The following CDK6 variants were observed in gnomAD, a reference collection of about 807,000 sequenced individuals.
The protein encoded by CDK6 is cyclin dependent kinase 6.
Under a neutral mutation model 37.1 loss-of-function variants are expected in CDK6, and 6 were observed. The ratio of observed to expected loss-of-function variants is 0.16; its 90% CI spans 0.09 to 0.32. CDK6 has a LOEUF of 0.32. Ranked by LOEUF, CDK6 falls within the 10% of genes least tolerant of loss-of-function variation. CDK6 has a pLI of 1.00. For synonymous variants in CDK6, 160 were observed against 161.3 expected (o/e 0.99, Z 0.06); for missense variants, 224 against 418.9 (o/e 0.53, Z 4.06).
At chr7:92,680,435 G>GAAAAAAAA (rs778849907) in intron 4 of CDK6, among the ~76,000 whole-genome samples, 3 of 27,934 alleles carry the variant, frequency 1.1e-4, no homozygotes, top group Non-Finnish European at 2.4e-4. Flanking sequence ...TTCCATCTCA[G>GAAAAAAAA]AAAAAAAAAA....
intron 6 of CDK6, among the ~76,000 whole-genome samples, chr7:92,620,949 T>C (rs1410934100): frequency 6.6e-6 from 1 of 152,182 alleles, no homozygotes; most frequent in African/African-American, 2.4e-5. Flanking sequence ...ATGGCTTTCC[T>C]TAAAAAAAAT....
chr7:92,725,185 A>G (rs939711779), intron 4 of CDK6: 1 of 985,294 alleles, frequency 1.0e-6, no homozygotes, highest in Admixed American at 6.1e-5. Flanking sequence ...CTGGCACCAT[A>G]GCTTCAGATG....
chr7:92,692,443 G>A (rs55995419), intron 4 of CDK6, among the ~76,000 whole-genome samples: 4 of 152,052 alleles, frequency 2.6e-5, no homozygotes, highest in African/African-American at 9.7e-5. Context: ...ACAGTACCTT[G>A]CTGCCTGAAT....
chr7:92,726,048 T>C (rs1798505441), intron 3 of CDK6, among the ~76,000 whole-genome samples: 1 of 152,176 alleles, frequency 6.6e-6, no homozygotes. Context: ...TTTGATGGAA[T>C]AGGAAACATT....
intron 2 of CDK6, among the ~76,000 whole-genome samples, chr7:92,826,118 C>T (rs542962266): frequency 6.6e-6 from 1 of 152,154 alleles, no homozygotes; most frequent in African/African-American, 2.4e-5. Flanking sequence ...TATAACTGGA[C>T]CCCTTTTCAA....
At chr7:92,687,848 T>C (rs989712088) in intron 4 of CDK6, among the ~76,000 whole-genome samples, 3 of 152,176 alleles carry the variant, frequency 2.0e-5, no homozygotes, top group Non-Finnish European at 2.9e-5. Context: ...TATATAACCA[T>C]AGATTAATGT....
At chr7:92,683,544 A>T (rs1797381840) in intron 4 of CDK6, among the ~76,000 whole-genome samples, 1 of 152,232 alleles carries the variant, frequency 6.6e-6, no homozygotes. Flanking sequence ...GGAAGCAGTC[A>T]TGAAGGTATA....
At chr7:92,734,065 C>T (rs1261437821) in intron 3 of CDK6, among the ~76,000 whole-genome samples, 1 of 152,092 alleles carries the variant, frequency 6.6e-6, no homozygotes, top group Non-Finnish European at 1.5e-5. Flanking sequence ...GTGCCCACAC[C>T]TTCCAAAAAT....
intron 4 of CDK6, among the ~76,000 whole-genome samples, chr7:92,706,716 C>T (rs769559472): frequency 1.3e-5 from 2 of 152,128 alleles, no homozygotes; most frequent in Non-Finnish European, 2.9e-5. Flanking sequence ...ACTCTGAGAT[C>T]TCACACTGAG....
At chr7:92,619,604 G>A (rs1288018937) in intron 6 of CDK6, among the ~76,000 whole-genome samples, 1 of 151,572 alleles carries the variant, frequency 6.6e-6, no homozygotes, top group African/African-American at 2.4e-5. Flanking sequence ...AGGAAGATGT[G>A]GTACAGGTCT....
At chr7:92,798,701 C>G (rs1339054650) in intron 2 of CDK6, among the ~76,000 whole-genome samples, 1 of 152,128 alleles carries the variant, frequency 6.6e-6, no homozygotes, top group African/African-American at 2.4e-5. Flanking sequence ...GGCTTGGGTC[C>G]CTCTTAGGAC....
rs888008531 is a variant in CDK6, at chr7:92,734,824, C to T, written c.370-9031G>A. ...TGTTCATATGTGTTGAGACTTTGGG[C>T]TCATTATTTTAGAAATATAAAACTC... On this transcript the variant is annotated intron_variant, in intron 3 of 7. Coordinates refer to ENST00000424848, the MANE Select transcript of CDK6 (RefSeq NM_001145306.2). Among the ~76,000 whole-genome samples, 10 of 152,158 alleles carry T rather than the reference C, an allele frequency of 6.6e-5. No homozygotes were observed. In the East Asian group the frequency reaches 1.9e-3, roughly 29 times the overall value.
At chr7:92,787,817 A>G (rs1584090687) in intron 2 of CDK6, among the ~76,000 whole-genome samples, 1 of 152,184 alleles carries the variant, frequency 6.6e-6, no homozygotes. Flanking sequence ...ACCAAGAAAA[A>G]AAATCCTACA....
At chr7:92,672,166 T>C (rs58856526) in intron 4 of CDK6, among the ~76,000 whole-genome samples, 755 of 38,222 alleles carry the variant, frequency 0.02, 10 homozygotes, top group African/African-American at 0.026. Flanking sequence ...TATATACACA[T>C]ACACACACAC....
At chr7:92,679,573 A>C (rs971279399) in intron 4 of CDK6, among the ~76,000 whole-genome samples, 1 of 152,202 alleles carries the variant, frequency 6.6e-6, no homozygotes, top group African/African-American at 2.4e-5. Flanking sequence ...GGTTTTCTAA[A>C]CTGTGCTCTA....
intron 3 of CDK6, among the ~76,000 whole-genome samples, chr7:92,754,529 C>A (rs984291559): frequency 2.0e-5 from 3 of 152,186 alleles, no homozygotes; most frequent in Non-Finnish European, 4.4e-5. Context: ...CATAATTTCA[C>A]ACAGGACCAT....
At chr7:92,747,784 A>G (rs746243485) in intron 3 of CDK6, among the ~76,000 whole-genome samples, 5 of 152,158 alleles carry the variant, frequency 3.3e-5, no homozygotes, top group Non-Finnish European at 5.9e-5. Flanking sequence ...ATTTTAAATT[A>G]TCTACAAGCT....
chr7:92,812,620 C>T (rs778860895), intron 2 of CDK6, among the ~76,000 whole-genome samples: 3 of 152,004 alleles, frequency 2.0e-5, no homozygotes, highest in African/African-American at 7.3e-5. Flanking sequence ...GAAATGAGGT[C>T]TCACTACGTT....
At chr7:92,665,002 G>A (rs569626260) in intron 5 of CDK6, among the ~76,000 whole-genome samples, 1 of 152,122 alleles carries the variant, frequency 6.6e-6, no homozygotes, top group African/African-American at 2.4e-5. Flanking sequence ...AGCCAGGATG[G>A]TCTTGATCTC....
Sources: allele counts gnomAD v4.1 joint callset (sites outside exome capture counted in the v4.1 genomes callset), GRCh38; gene constraint gnomAD v4.1.1; transcripts MANE v1.5; gene names NCBI Gene and HGNC (gene_info 2026-07-23, HGNC 2026-07-21).